PRRX1: variants seen among roughly 807,000 people sequenced by gnomAD.
PRRX1 encodes paired mesoderm homeobox protein 1.
In PRRX1, 8 loss-of-function variants were observed where a neutral mutation model predicts 24.0. The observed-to-expected ratio is 0.33, with a 90% CI of 0.20 to 0.60. The LOEUF is 0.60. Among genes scored for constraint, PRRX1 ranks in the 20% least tolerant of loss-of-function variants. PRRX1 has a pLI of 0.82. For missense variants in PRRX1, 281 were observed against 322.4 expected (o/e 0.87, Z 0.98); for synonymous variants, 160 against 131.7 (o/e 1.22, Z -1.47).
intron 1 of PRRX1, chr1:170,669,570 C>G (rs1653074054): frequency 6.6e-6 from 1 of 152,068 alleles, no homozygotes; most frequent in Non-Finnish European, 1.5e-5. Context: ...AATCCCTAGA[C>G]CAGTCTGATT....
rs1204649078 is a variant in PRRX1, at chr1:170,736,269, G to A, written c.*83G>A. 6.5e-7 allele frequency: 1 copy of A among 1,549,014 alleles called. No homozygotes were observed. Among genetic ancestry groups the A allele is most frequent in the Admixed American group, 1.8e-5 (1 of 56,832 alleles). On this transcript the variant is annotated 3_prime_UTR_variant, in exon 4 of 4. Transcript: ENST00000239461. ...CTGCTCTGTTATTTCTTCATCTGCT[G>A]GGGGGAAAAAGTAAATTACAAACAA... is the stretch of plus-strand genomic sequence containing the variant.
At chr1:170,731,651 T>C (rs976941826) in intron 3 of PRRX1, among the ~76,000 whole-genome samples, 5 of 152,126 alleles carry the variant, frequency 3.3e-5, no homozygotes, top group Admixed American at 1.3e-4. Flanking sequence ...CTCACAACTT[T>C]CAGGGTAGGT....
chr1:170,694,618 C>G (rs1160235345), intron 1 of PRRX1, among the ~76,000 whole-genome samples: 1 of 152,050 alleles, frequency 6.6e-6, no homozygotes, highest in Non-Finnish European at 1.5e-5. Context: ...GAAATGTGCC[C>G]ACAGTATTTA....
At chr1:170,695,426 C>A (rs919302238) in intron 1 of PRRX1, among the ~76,000 whole-genome samples, 5 of 152,098 alleles carry the variant, frequency 3.3e-5, no homozygotes, top group Non-Finnish European at 5.9e-5. Flanking sequence ...TTACCAAAAC[C>A]TTTTTAGAAC....
chr1:170,673,071 CT>C (rs1397134525), intron 1 of PRRX1, among the ~76,000 whole-genome samples: 1 of 152,104 alleles, frequency 6.6e-6, no homozygotes, highest in Non-Finnish European at 1.5e-5. Flanking sequence ...TTTTTCTTTT[CT>C]GCTAATTCAT....
At chr1:170,730,108 G>A in intron 3 of PRRX1, 1 of 730,128 alleles carries the variant, frequency 1.4e-6, no homozygotes, top group Non-Finnish European at 2.5e-6. Context: ...CCAGAGGGAG[G>A]GCTGGGCTTA....
At chr1:170,718,111 T>C (rs1446921733) in intron 1 of PRRX1, among the ~76,000 whole-genome samples, 5 of 152,196 alleles carry the variant, frequency 3.3e-5, no homozygotes, top group Non-Finnish European at 4.4e-5. Context: ...AGGAATCTGG[T>C]TGAGATCATC....
chr1:170,664,048 T>A (rs1451393805), upstream of PRRX1: 23 of 655,070 alleles, frequency 3.5e-5, 1 homozygote, highest in African/African-American at 3.4e-4. Flanking sequence ...TTTTCCAATT[T>A]TTTTTTTTTG....
At position 170,736,069 on chromosome 1, in the gene PRRX1, C is replaced by T. The variant is rs772578376; in HGVS notation, c.621C>T (p.Ala207=). 6.2e-7 allele frequency: 1 copy of T among 1,614,056 alleles called. No homozygotes were observed. Among genetic ancestry groups the T allele is most frequent in the East Asian group, 2.2e-5 (1 of 44,892 alleles). The change falls in exon 4 of 4, where the codon GCC becomes GCT. Residue 207 remains alanine, a synonymous_variant. Transcript: ENST00000239461. ...SPYSAMATYS[A]TCANNSPAQG... is the part of the protein sequence containing the mutation. ...ACAGCGCCATGGCTACTTATTCTGC[C>T]ACATGTGCCAACAATAGCCCTGCAC...
intron 1 of PRRX1, among the ~76,000 whole-genome samples, chr1:170,689,125 C>T (rs1653843582): frequency 6.6e-6 from 1 of 152,012 alleles, no homozygotes; most frequent in African/African-American, 2.4e-5. Context: ...TCTCAGATTC[C>T]CTAACTTCTT....
chr1:170,702,010 CG>C (rs1337374937), intron 1 of PRRX1, among the ~76,000 whole-genome samples: 2 of 147,130 alleles, frequency 1.4e-5, no homozygotes, highest in Non-Finnish European at 1.5e-5. Flanking sequence ...TGGGGGAAGG[CG>C]GGGGGAGGGG....
chr1:170,737,879 C>T lies in PRRX1; in HGVS notation c.*1693C>T, dbSNP rs1351932738. ...TTCTTTCCTGTATTCTCTGTATGTC[C>T]AGCACTTTGTAGCCATGGGAGGAAA... On this transcript the variant is annotated 3_prime_UTR_variant, in exon 4 of 4. Transcript: ENST00000239461. 9.3e-6 allele frequency: 2 copies of T among 216,008 alleles called. No homozygotes were observed. The highest frequency in any genetic ancestry group is 1.9e-5 in the Non-Finnish European group (2 of 106,978). The allele number at this position is 216,008 out of a possible 1,614,324, so 13.4% of individuals were successfully genotyped here.
intron 1 of PRRX1, among the ~76,000 whole-genome samples, chr1:170,692,451 A>G (rs557471423): frequency 1.3e-5 from 2 of 152,126 alleles, no homozygotes; most frequent in South Asian, 2.1e-4. Flanking sequence ...CTAACTTTCT[A>G]GAATGTAGTT....
At chr1:170,730,999 C>T (rs538671418) in intron 3 of PRRX1, among the ~76,000 whole-genome samples, 85 of 152,148 alleles carry the variant, frequency 5.6e-4, no homozygotes, top group Non-Finnish European at 1.0e-3. Flanking sequence ...ACAGTACAAA[C>T]GGAAAGCTTA....
chr1:170,697,448 C>A (rs1302083432), intron 1 of PRRX1, among the ~76,000 whole-genome samples: 2 of 151,822 alleles, frequency 1.3e-5, no homozygotes, highest in Non-Finnish European at 2.9e-5. Flanking sequence ...GTAAGACAAG[C>A]TTATCTTAAA....
chr1:170,673,686 C>T (rs1442207709), intron 1 of PRRX1, among the ~76,000 whole-genome samples: 2 of 152,194 alleles, frequency 1.3e-5, no homozygotes, highest in African/African-American at 4.8e-5. Context: ...AACTAACGAA[C>T]TTTCTTTCCC....
chr1:170,678,375 G>A (rs1402614403), intron 1 of PRRX1, among the ~76,000 whole-genome samples: 1 of 152,186 alleles, frequency 6.6e-6, no homozygotes, highest in East Asian at 1.9e-4. Flanking sequence ...CGTACATGTG[G>A]AGAAAACTGG....
In PRRX1 at chr1:170,664,191, G is replaced by A. The variant is rs763794426; in HGVS notation, c.-28G>A. On this transcript the variant is annotated 5_prime_UTR_variant, in exon 1 of 4. Coordinates refer to ENST00000239461, the MANE Select transcript of PRRX1 (RefSeq NM_022716.4). ...TGGTGTTGATTCGAGCGGGAAGAGG[G>A]GGGTGGGTGGGATCGGTGGGGGAGA... 2 of 1,599,274 alleles carry A rather than the reference G, an allele frequency of 1.3e-6. No homozygotes were observed. The highest frequency in any genetic ancestry group is 2.3e-5 in the South Asian group (2 of 88,006).
At chr1:170,716,524 C>T (rs902549582) in intron 1 of PRRX1, among the ~76,000 whole-genome samples, 3 of 149,782 alleles carry the variant, frequency 2.0e-5, no homozygotes, top group African/African-American at 7.4e-5. Flanking sequence ...GCGGAGGTTG[C>T]GGTGAGCCAA....
Sources: allele counts gnomAD v4.1 joint callset (sites outside exome capture counted in the v4.1 genomes callset), GRCh38; gene constraint gnomAD v4.1.1; transcripts MANE v1.5; gene names NCBI Gene and HGNC (gene_info 2026-07-23, HGNC 2026-07-21).